The following TUSC3 variants were observed in gnomAD, a reference collection of about 807,000 sequenced individuals.
The protein encoded by TUSC3 is dolichyl-diphosphooligosaccharide--protein glycosyltransferase subunit TUSC3.
A neutral mutation model predicts 44.8 loss-of-function variants in TUSC3; 45 were observed. The observed-to-expected ratio is 1.00, with a 90% CI of 0.79 to 1.29. TUSC3 has a LOEUF of 1.29. Among genes scored for constraint, TUSC3 ranks in the 50% most tolerant of loss-of-function variants. The probability of loss-of-function intolerance (pLI) is 0.00; values close to 1 mark genes in which losing one functional copy is unlikely to be tolerated. For missense variants in TUSC3, 519 were observed against 437.9 expected (o/e 1.19, Z -1.65); for synonymous variants, 212 against 152.9 (o/e 1.39, Z -2.85).
intron 1 of TUSC3, among the ~76,000 whole-genome samples, chr8:15,480,886 A>G (rs1800649141): frequency 6.6e-6 from 1 of 152,178 alleles, no homozygotes; most frequent in African/African-American, 2.4e-5. Context: ...AATTCAGTCT[A>G]TGGTATGATT....
chr8:15,429,379 A>G (rs1430600537), intron 1 of TUSC3, among the ~76,000 whole-genome samples: 3 of 150,828 alleles, frequency 2.0e-5, no homozygotes, highest in Non-Finnish European at 4.4e-5. Context: ...GTAGCCTTGT[A>G]GTATAGTTTG....
At chr8:15,431,625 A>G (rs1014148786) in intron 1 of TUSC3, among the ~76,000 whole-genome samples, 1 of 148,220 alleles carries the variant, frequency 6.7e-6, no homozygotes, top group Non-Finnish European at 1.5e-5. Context: ...ACAAACAGAA[A>G]TAACTTTGCT....
At chr8:15,546,453 T>C (rs1001489249) in intron 1 of TUSC3, among the ~76,000 whole-genome samples, 11 of 151,808 alleles carry the variant, frequency 7.2e-5, no homozygotes, top group African/African-American at 2.4e-4. Context: ...GAAGTATTAC[T>C]GTTTTTTTTA....
At chr8:15,634,297 G>A (rs1432914525) in intron 2 of TUSC3, among the ~76,000 whole-genome samples, 2 of 152,134 alleles carry the variant, frequency 1.3e-5, no homozygotes, top group Non-Finnish European at 2.9e-5. Flanking sequence ...GGTAGACTTT[G>A]GTTCCTCCAA....
At chr8:15,830,962 C>A in the TUSC3 span, among the ~76,000 whole-genome samples, 1 of 151,178 alleles carries the variant, frequency 6.6e-6, no homozygotes, top group South Asian at 2.1e-4. Flanking sequence ...GCCACGCTGT[C>A]ACTGCCACCA....
At chr8:15,523,704 G>GTATATATATA (rs1563273688) in intron 2 of TUSC3, among the ~76,000 whole-genome samples, 1 of 112,586 alleles carries the variant, frequency 8.9e-6, no homozygotes, top group Non-Finnish European at 1.8e-5. Context: ...GTGTGTGTGT[G>GTATATATATA]TGTGTATATA....
At chr8:15,775,050 G>C in the TUSC3 span, among the ~76,000 whole-genome samples, 2 of 152,082 alleles carry the variant, frequency 1.3e-5, no homozygotes, top group African/African-American at 4.8e-5. Flanking sequence ...ATTGCCAACA[G>C]GGAAGACAAC....
the TUSC3 span, among the ~76,000 whole-genome samples, chr8:15,813,516 C>T: frequency 2.0e-5 from 3 of 151,054 alleles, no homozygotes; most frequent in East Asian, 3.9e-4. Flanking sequence ...GTAATCATAA[C>T]CACCTTACAA....
chr8:15,493,028 AC>A (rs1457425679), intron 2 of TUSC3, among the ~76,000 whole-genome samples: 1 of 152,160 alleles, frequency 6.6e-6, no homozygotes, highest in Non-Finnish European at 1.5e-5. Flanking sequence ...AATAGTGGCT[AC>A]CACTTATTAA....
intron 9 of TUSC3, among the ~76,000 whole-genome samples, chr8:15,750,791 C>T (rs779663883): frequency 2.6e-5 from 4 of 152,064 alleles, no homozygotes; most frequent in Non-Finnish European, 5.9e-5. Flanking sequence ...CAGCTCCCCA[C>T]CAGCCTAACA....
the TUSC3 span, among the ~76,000 whole-genome samples, chr8:15,804,975 T>G: frequency 6.6e-6 from 1 of 152,168 alleles, no homozygotes; most frequent in Admixed American, 6.6e-5. Context: ...TGGAATTTTT[T>G]TATTTGTTTG....
chr8:15,851,997 A>C, the TUSC3 span, among the ~76,000 whole-genome samples: 2 of 152,094 alleles, frequency 1.3e-5, no homozygotes, highest in African/African-American at 4.8e-5. Context: ...GTCTCCCGCC[A>C]TGTGAGATGT....
the TUSC3 span, among the ~76,000 whole-genome samples, chr8:15,840,639 T>C: frequency 6.6e-6 from 1 of 152,152 alleles, no homozygotes; most frequent in Non-Finnish European, 1.5e-5. Flanking sequence ...TCAATAGTTT[T>C]ATAATCTGGT....
chr8:15,510,981 A>G (rs951362349), intron 2 of TUSC3, among the ~76,000 whole-genome samples: 1 of 152,166 alleles, frequency 6.6e-6, no homozygotes, highest in African/African-American at 2.4e-5. Flanking sequence ...CCATTTATTG[A>G]TTTCCATACA....
At chr8:15,654,251 G>A (rs766620514) in intron 3 of TUSC3, among the ~76,000 whole-genome samples, 3 of 152,126 alleles carry the variant, frequency 2.0e-5, no homozygotes, top group East Asian at 1.9e-4. Flanking sequence ...TGCTATAGAC[G>A]TCTCTCATAT....
At chr8:15,545,026 A>G (rs534588056) in intron 1 of TUSC3, among the ~76,000 whole-genome samples, 12 of 151,966 alleles carry the variant, frequency 7.9e-5, no homozygotes, top group African/African-American at 2.6e-4. Context: ...CATGTTACAT[A>G]CGTATTATGT....
chr8:15,684,922 G>C (rs939970584), intron 6 of TUSC3, among the ~76,000 whole-genome samples: 5 of 152,154 alleles, frequency 3.3e-5, no homozygotes, highest in Non-Finnish European at 7.3e-5. Flanking sequence ...CTGCAAGATC[G>C]TTCAGGCAGG....
chr8:15,680,192 G>C (rs911589805), intron 6 of TUSC3, among the ~76,000 whole-genome samples: 5 of 151,926 alleles, frequency 3.3e-5, no homozygotes, highest in African/African-American at 1.2e-4. Context: ...CGATTTTAAT[G>C]ATAGTGAGCC....
Position 15,460,860 on chromosome 8 carries a change from G to A in TUSC3, n.92-22526G>A, listed in dbSNP as rs150119519. On this transcript the variant is annotated intron_variant and non_coding_transcript_variant, in intron 1 of 5. Coordinates refer to the TUSC3 transcript ENST00000503191. ...TGTAAGTATTTGGGTTTATTTCTGG[G>A]TTCTCTATTCTGTTCCATTGGTCTA... 8.1e-3 allele frequency among the ~76,000 whole-genome samples: 1,232 copies of A among 152,158 alleles called. 17 individuals carry two copies. Among genetic ancestry groups the A allele is most frequent in the African/African-American group, 0.028 (1,178 of 41,518 alleles).
Sources: gnomAD v4.1 joint callset for allele counts (sites outside exome capture counted in the v4.1 genomes callset) on GRCh38, gnomAD v4.1.1 for gene constraint, MANE v1.5 for transcripts, NCBI Gene and HGNC (gene_info 2026-07-23, HGNC 2026-07-21) for gene names.